The following STK3 variants were observed in gnomAD, a reference collection of about 807,000 sequenced individuals.
STK3 encodes the protein serine/threonine-protein kinase 3.
A neutral mutation model predicts 58.0 loss-of-function variants in STK3; 41 were observed. That is an observed-to-expected ratio of 0.71 (90% confidence interval 0.55 to 0.92). The LOEUF (loss-of-function observed/expected upper bound fraction) is 0.92. STK3 is among the 40% of genes least tolerant of loss of function. The probability of loss-of-function intolerance (pLI) is 0.00; values close to 1 mark genes in which losing one functional copy is unlikely to be tolerated. For missense variants in STK3, 479 were observed against 602.7 expected, an observed-to-expected ratio of 0.79 and a Z score of 2.15; for synonymous variants, 170 against 191.0, an observed-to-expected ratio of 0.89 and a Z score of 0.91.
exon 3 of STK3, chr8:98,434,133 C>A (rs1029343819): frequency 2.0e-5 from 3 of 152,268 alleles, no homozygotes; most frequent in Admixed American, 6.5e-5. Context: ...TCACACTGAG[C>A]AGTGGTGGCA....
intron 4 of STK3, among the ~76,000 whole-genome samples, chr8:98,730,076 T>C (rs987447384): frequency 3.3e-5 from 5 of 152,210 alleles, no homozygotes; most frequent in African/African-American, 9.7e-5. Context: ...GTAATACATA[T>C]TTCTGTTGTT....
chr8:98,575,342 G>GT (rs71572017), intron 8 of STK3, among the ~76,000 whole-genome samples: 49,316 of 143,196 alleles, frequency 0.34, 8,366 homozygotes, highest in East Asian at 0.47. Flanking sequence ...CTAGTGACTT[G>GT]TTTTTTTTTT....
At chr8:98,932,068 G>T (rs907094467) in intron 1 of STK3, among the ~76,000 whole-genome samples, 1 of 152,120 alleles carries the variant, frequency 6.6e-6, no homozygotes, top group African/African-American at 2.4e-5. Context: ...CAGGCCTCCA[G>T]GATAGTTCAC....
intron 1 of STK3, among the ~76,000 whole-genome samples, chr8:98,809,650 T>G (rs558046043): frequency 1.3e-5 from 2 of 152,364 alleles, no homozygotes; most frequent in Middle Eastern, 3.4e-3. Context: ...ATCCATGTTG[T>G]AACATGTATC....
intron 2 of STK3, among the ~76,000 whole-genome samples, chr8:98,375,437 TC>T (rs1408237726): frequency 6.6e-6 from 1 of 152,166 alleles, no homozygotes; most frequent in Non-Finnish European, 1.5e-5. Flanking sequence ...ACTGATCCTT[TC>T]TTGGAGACCC....
chr8:98,637,537 C>A (rs1404619324), intron 6 of STK3, among the ~76,000 whole-genome samples: 5 of 152,124 alleles, frequency 3.3e-5, no homozygotes, highest in Non-Finnish European at 7.3e-5. Flanking sequence ...TAAGGACTAG[C>A]ATTTTTTATT....
intron 10 of STK3, among the ~76,000 whole-genome samples, chr8:98,468,907 G>A (rs1463413957): frequency 6.6e-6 from 1 of 151,940 alleles, no homozygotes; most frequent in Non-Finnish European, 1.5e-5. Flanking sequence ...TCAAGAGATC[G>A]AGACCATCCT....
At chr8:98,718,477 C>A (rs945302648) in intron 4 of STK3, among the ~76,000 whole-genome samples, 1 of 152,076 alleles carries the variant, frequency 6.6e-6, no homozygotes, top group Non-Finnish European at 1.5e-5. Context: ...GACTTGACAG[C>A]GCAGAGAAAG....
intron 3 of STK3, among the ~76,000 whole-genome samples, chr8:98,407,592 T>G (rs1299931293): frequency 1.3e-5 from 2 of 152,110 alleles, no homozygotes; most frequent in African/African-American, 4.8e-5. Context: ...GGTGGGGATA[T>G]TTATGGAGCT....
chr8:98,561,175 A>C (rs1811996805), intron 8 of STK3, among the ~76,000 whole-genome samples: 1 of 151,634 alleles, frequency 6.6e-6, no homozygotes, highest in South Asian at 2.1e-4. Context: ...TTGAAACAGA[A>C]TAAAGAGCTC....
intron 1 of STK3, among the ~76,000 whole-genome samples, chr8:98,807,902 A>C (rs1833986154): frequency 6.6e-6 from 1 of 152,210 alleles, no homozygotes. Flanking sequence ...CAAAACAATA[A>C]CTAATTTGCA....
intron 6 of STK3, among the ~76,000 whole-genome samples, chr8:98,605,900 C>T (rs532916734): frequency 6.6e-6 from 1 of 152,194 alleles, no homozygotes; most frequent in South Asian, 2.1e-4. Flanking sequence ...TAGCACCTTC[C>T]CCCTTTCTCT....
chr8:98,541,240 A>AG lies in STK3; in HGVS notation c.1141+6728dup, dbSNP rs1216931778. 1.4e-4 allele frequency among the ~76,000 whole-genome samples: 21 copies of AG among 152,144 alleles called. No individual in the cohort carries two copies. In the East Asian group the frequency reaches 3.9e-3, roughly 28 times the overall value. On this transcript the variant is annotated intron_variant, in intron 9 of 10. Transcript: ENST00000419617. ...GTTGAATTTTAATTCCCAGTGCTGGAGGGGGGACTGGTGGGAGATGATTGG... is the reference window on the plus strand; with the variant it reads ...GTTGAATTTTAATTCCCAGTGCTGGAGGGGGGGACTGGTGGGAGATGATTGG...
intron 10 of STK3, among the ~76,000 whole-genome samples, chr8:98,525,489 T>C (rs747596320): frequency 1.3e-5 from 2 of 152,042 alleles, no homozygotes; most frequent in South Asian, 2.1e-4. Flanking sequence ...CTAAATACTC[T>C]ACATTATTCA....
At chr8:98,479,193 A>G (rs757227165) in intron 10 of STK3, among the ~76,000 whole-genome samples, 46 of 152,134 alleles carry the variant, frequency 3.0e-4, no homozygotes, top group Non-Finnish European at 5.4e-4. Flanking sequence ...AGGCAGTTAA[A>G]AGACAAAGAA....
chr8:98,359,124 G>T, the STK3 span, among the ~76,000 whole-genome samples: 2 of 152,018 alleles, frequency 1.3e-5, no homozygotes, highest in Admixed American at 1.3e-4. Flanking sequence ...GCACCATCCC[G>T]CTATTCCTGC....
In STK3 at chr8:98,590,175, G is replaced by A. The variant is rs568663824; in HGVS notation, c.822+5857C>T. 7.2e-4 allele frequency among the ~76,000 whole-genome samples: 109 copies of A among 152,246 alleles called. 1 individual carries two copies. The highest frequency in any genetic ancestry group is 2.6e-3 in the African/African-American group (108 of 41,508). ...GGACAAATAAAGATTTCTCATTTCCGACAAAAGAAAATAACCAGCATTGAT... is the reference window on the plus strand; with the variant it reads ...GGACAAATAAAGATTTCTCATTTCCAACAAAAGAAAATAACCAGCATTGAT... On this transcript the variant is annotated intron_variant, in intron 7 of 10. Coordinates refer to ENST00000419617, the MANE Select transcript of STK3 (RefSeq NM_006281.4).
the STK3 span, among the ~76,000 whole-genome samples, chr8:98,359,428 CGGGAG>C: frequency 2.8e-5 from 4 of 141,310 alleles, no homozygotes; most frequent in South Asian, 9.1e-4. Flanking sequence ...GAGGCTGAGG[CGGGAG>C]AATCACTTGA....
At chr8:98,918,659 T>G (rs888976168) in intron 1 of STK3, among the ~76,000 whole-genome samples, 1 of 151,978 alleles carries the variant, frequency 6.6e-6, no homozygotes, top group Admixed American at 6.6e-5. Context: ...TCTCAGCTAC[T>G]CAGAAGGCTG....
Sources: allele counts gnomAD v4.1 joint callset (sites outside exome capture counted in the v4.1 genomes callset), GRCh38; gene constraint gnomAD v4.1.1; transcripts MANE v1.5; gene names NCBI Gene and HGNC (gene_info 2026-07-23, HGNC 2026-07-21).